Variants in ORC5 observed in about 807,000 individuals in gnomAD.
ORC5 encodes protein phosphatase 1, regulatory subunit 117.
A neutral mutation model predicts 58.8 loss-of-function variants in ORC5; 39 were observed. The ratio of observed to expected loss-of-function variants is 0.66; its 90% confidence interval spans 0.51 to 0.87. The LOEUF (loss-of-function observed/expected upper bound fraction) is 0.87. Among genes scored for constraint, ORC5 ranks in the 40% least tolerant of loss-of-function variants. The probability of loss-of-function intolerance (pLI) is 0.00; values close to 1 mark genes in which losing one functional copy is unlikely to be tolerated. For missense variants in ORC5, 493 were observed against 506.3 expected, an observed-to-expected ratio of 0.97 and a Z score of 0.25; for synonymous variants, 218 against 177.6, an observed-to-expected ratio of 1.23 and a Z score of -1.81.
chr7:104,170,268 A>G (rs996950775), intron 8 of ORC5, among the ~76,000 whole-genome samples: 1 of 152,202 alleles, frequency 6.6e-6, no homozygotes, highest in African/African-American at 2.4e-5. Flanking sequence ...AGTAGGCTGA[A>G]TAATGGCTCT....
intron 8 of ORC5, among the ~76,000 whole-genome samples, chr7:104,183,398 C>T (rs1799476125): frequency 6.6e-6 from 1 of 152,096 alleles, no homozygotes; most frequent in African/African-American, 2.4e-5. Context: ...AAAAATCTAA[C>T]TACAGGATGA....
chr7:104,126,656 G>C lies in ORC5; in HGVS notation c.*192C>G. On this transcript the variant is annotated 3_prime_UTR_variant, in exon 14 of 14. Transcript: ENST00000297431. The stretch of plus-strand genomic sequence containing the variant: ...TGCTTCCAAATACTCCAGGGTCCCT[G>C]GTAAATAGTCTTCTGCTCACATCCA... 2.0e-6 allele frequency: 1 copy of C among 498,610 alleles called. No homozygotes were observed. Among genetic ancestry groups the C allele is most frequent in the Admixed American group, 4.0e-5 (1 of 24,954 alleles). The allele number at this position is 498,610 out of a possible 1,614,324, so 30.9% of individuals were successfully genotyped here. A position where few individuals can be genotyped will look rare whatever the true frequency, so the allele number is the denominator to read the frequency against.
At chr7:104,150,607 G>C (rs1262909095) in intron 12 of ORC5, among the ~76,000 whole-genome samples, 1 of 151,548 alleles carries the variant, frequency 6.6e-6, no homozygotes, top group East Asian at 1.9e-4. Flanking sequence ...ACAAAAAGTA[G>C]CATGTATGTT....
chr7:104,200,708 A>G (rs1799917645), intron 3 of ORC5, 50 bp downstream of exon 3: 1 of 1,134,906 alleles, frequency 8.8e-7, no homozygotes, highest in Non-Finnish European at 1.3e-6. Context: ...GATCTAATAA[A>G]TTATCAGTTT....
At position 104,166,787 on chromosome 7, in the gene ORC5, CTT is replaced by C. The variant is rs1241230446; in HGVS notation, c.973_974del (p.Lys325GlufsTer5). 4 of 1,585,596 alleles carry C rather than the reference CTT, an allele frequency of 2.5e-6. No individual in the cohort carries two copies. Among genetic ancestry groups the C allele is most frequent in the African/African-American group, 1.3e-5 (1 of 74,102 alleles). On this transcript the variant is annotated frameshift_variant, in exon 10 of 14. Transcript: ENST00000297431. LOFTEE classifies it high-confidence loss of function. Reference sequence around the variant, plus strand: ...TTATTATTACCTTAAGAAAAAACCTCTTGTCAGTTCTTGCTGGATTGTATGAA... The same window carrying C: ...TTATTATTACCTTAAGAAAAAACCTCGTCAGTTCTTGCTGGATTGTATGAA... The part of the protein sequence containing the change: ...LASYNPARTD[K>X]RFFLKHHGKI...
chr7:104,203,315 A>G (rs1799990793), intron 2 of ORC5, among the ~76,000 whole-genome samples: 1 of 152,220 alleles, frequency 6.6e-6, no homozygotes, highest in African/African-American at 2.4e-5. Context: ...ATGCCCATTC[A>G]CATAGAGAAT....
intron 8 of ORC5, among the ~76,000 whole-genome samples, chr7:104,181,784 T>TC (rs35264813): frequency 0.15 from 20,181 of 137,180 alleles, 1,699 homozygotes; most frequent in South Asian, 0.22. Flanking sequence ...AGAGCGAGAC[T>TC]CCGTCTCAAA....
At position 104,158,835 on chromosome 7, in the gene ORC5, C is replaced by A. The variant is rs936212330; in HGVS notation, c.1149+2237G>T. ...TTAAAAAGTCAGGAAACAACAGGTG[C>A]TGGAGAGGATGTGGAGAAATAGGAA... is the stretch of plus-strand genomic sequence containing the variant. On this transcript the variant is annotated intron_variant, in intron 12 of 13. Transcript: ENST00000297431. 6.6e-5 allele frequency among the ~76,000 whole-genome samples: 10 copies of A among 151,796 alleles called. 1 individual carries two copies. Among genetic ancestry groups the A allele is most frequent in the African/African-American group, 2.4e-4 (10 of 41,160 alleles).
chr7:104,188,316 A>T lies in ORC5; in HGVS notation c.619T>A (p.Tyr207Asn). The T allele has an allele frequency of 6.2e-7, 1 of 1,612,932 alleles. No individual in the cohort carries two copies. Among genetic ancestry groups the T allele is most frequent in the Non-Finnish European group, 8.5e-7 (1 of 1,179,084 alleles). The change falls in exon 6 of 14, where the codon TAC becomes AAC. Residue 207 changes from tyrosine (Y) to asparagine (N), a missense_variant. Coordinates refer to ENST00000297431, the MANE Select transcript of ORC5 (RefSeq NM_002553.4). The part of the protein sequence containing the change: ...PEYSADFYAA[Y>N]INILLGVFYT... The stretch of plus-strand genomic sequence containing the variant: ...AAAACTCCAAGAAGAATGTTAATGT[A>T]GGCAGCATAGAAATCAGCTGAATAC...
intron 12 of ORC5, among the ~76,000 whole-genome samples, chr7:104,149,078 A>T (rs982751338): frequency 1.3e-5 from 2 of 151,892 alleles, no homozygotes; most frequent in African/African-American, 4.8e-5. Context: ...GGAAAGCATG[A>T]TTTCTTAAAT....
intron 12 of ORC5, among the ~76,000 whole-genome samples, chr7:104,149,617 GT>G (rs1320609543): frequency 6.6e-6 from 1 of 152,046 alleles, no homozygotes; most frequent in African/African-American, 2.4e-5. Flanking sequence ...TTCCACTGAT[GT>G]TTTTCCTCAA....
intron 12 of ORC5, among the ~76,000 whole-genome samples, chr7:104,155,556 T>G (rs533573596): frequency 7.5e-4 from 114 of 151,522 alleles, no homozygotes; most frequent in Non-Finnish European, 1.3e-3. Flanking sequence ...GTAAACTACT[T>G]TCAAAAATTA....
chr7:104,189,425 T>G (rs751652754), intron 5 of ORC5, among the ~76,000 whole-genome samples: 64 of 151,834 alleles, frequency 4.2e-4, no homozygotes, highest in Admixed American at 2.5e-3. Context: ...TTCCAACAGG[T>G]CCCTCCATGA....
chr7:104,207,669 G>A (rs558386265), intron 1 of ORC5, among the ~76,000 whole-genome samples, 164 bp downstream of exon 1: 242 of 152,306 alleles, frequency 1.6e-3, no homozygotes, highest in Admixed American at 2.5e-3. Flanking sequence ...ATATTCGGAA[G>A]AGACTGTGGG....
chr7:104,207,740 C>T, intron 1 of ORC5, 93 bp downstream of exon 1: 6 of 1,257,140 alleles, frequency 4.8e-6, no homozygotes, highest in Non-Finnish European at 6.9e-6. Context: ...TTTTGGCCCT[C>T]AATCCAAACA....
At chr7:104,185,688 T>A (rs923102614) in intron 6 of ORC5, among the ~76,000 whole-genome samples, 14 of 152,158 alleles carry the variant, frequency 9.2e-5, no homozygotes, top group Non-Finnish European at 4.4e-5. Flanking sequence ...GGAGTACTAA[T>A]TAACTAATTA....
At chr7:104,202,620 TG>T (rs1799972664) in intron 2 of ORC5, 1 of 421,994 alleles carries the variant, frequency 2.4e-6, no homozygotes, top group South Asian at 1.7e-5. Context: ...TGATAAAAAA[TG>T]GAATACAGTC....
chr7:104,135,290 C>T (rs1421537242), intron 13 of ORC5, among the ~76,000 whole-genome samples: 1 of 152,062 alleles, frequency 6.6e-6, no homozygotes, highest in African/African-American at 2.4e-5. Flanking sequence ...GAAGTAATTG[C>T]TTTGTGATTA....
At chr7:104,169,412 C>T (rs763853083) in intron 8 of ORC5, among the ~76,000 whole-genome samples, 2 of 151,904 alleles carry the variant, frequency 1.3e-5, no homozygotes, top group African/African-American at 4.8e-5. Flanking sequence ...GATTATGACA[C>T]GACAAATTGA....
Sources: allele counts gnomAD v4.1 joint callset (sites outside exome capture counted in the v4.1 genomes callset), GRCh38; gene constraint gnomAD v4.1.1; transcripts MANE v1.5; gene names NCBI Gene and HGNC (gene_info 2026-07-23, HGNC 2026-07-21).